MAML3: variants seen among roughly 807,000 people sequenced by gnomAD.
MAML3 encodes mastermind like transcriptional coactivator 3.
Under a neutral mutation model 101.9 loss-of-function variants are expected in MAML3, and 27 were observed. The observed-to-expected ratio is 0.27, with a 90% CI of 0.20 to 0.37. The LOEUF is 0.37. MAML3 is among the 10% of genes least tolerant of loss of function. MAML3 has a pLI of 1.00. For synonymous variants in MAML3, 501 were observed against 555.9 expected (o/e 0.90, Z 1.39); for missense variants, 1,316 against 1,444.9 (o/e 0.91, Z 1.45).
intron 2 of MAML3, among the ~76,000 whole-genome samples, chr4:139,813,771 G>C (rs531934600): frequency 6.6e-6 from 1 of 152,098 alleles, no homozygotes; most frequent in South Asian, 2.1e-4. Flanking sequence ...TCCAGACAGG[G>C]GCCAAAGGAT....
Position 139,889,113 on chromosome 4 carries a change from G to C in MAML3, c.2079+244C>G, listed in dbSNP as rs1210412512. On this transcript the variant is annotated intron_variant, in intron 2 of 4. Transcript: ENST00000509479. ...TTTATGTAATTCTTATCTGCAGTTG[G>C]GAATAAAAGAAGTTTGATTCCTAGA... 2.1e-5 allele frequency: 16 copies of C among 752,784 alleles called. No individual in the cohort carries two copies. The Admixed American group carries it at 2.9e-4, about 14-fold the overall frequency. The allele number at this position is 752,784 out of a possible 1,614,324, so 46.6% of individuals were successfully genotyped here.
intron 2 of MAML3, among the ~76,000 whole-genome samples, chr4:139,869,384 T>C (rs1386790077): frequency 1.3e-5 from 2 of 152,156 alleles, no homozygotes; most frequent in Non-Finnish European, 2.9e-5. Context: ...AATTTTTGTT[T>C]TTAATATGCA....
At chr4:139,789,763 A>C (rs1730369494) in intron 2 of MAML3, among the ~76,000 whole-genome samples, 1 of 152,170 alleles carries the variant, frequency 6.6e-6, no homozygotes, top group Non-Finnish European at 1.5e-5. Flanking sequence ...TTAATTCAAA[A>C]GTTGTTTTTT....
At chr4:140,083,944 A>ACGCGCG in intron 1 of MAML3, among the ~76,000 whole-genome samples, 1 of 22,338 alleles carries the variant, frequency 4.5e-5, no homozygotes, top group African/African-American at 1.4e-4. Flanking sequence ...ACACACACAC[A>ACGCGCG]CACACACACA....
intron 2 of MAML3, among the ~76,000 whole-genome samples, chr4:139,737,579 G>A (rs1202201007): frequency 1.3e-5 from 2 of 152,138 alleles, no homozygotes; most frequent in South Asian, 2.1e-4. Context: ...ATGTTGTCTG[G>A]TACCCAAAAT....
chr4:140,011,232 G>GCATATATATATATATA (rs1726554259), intron 1 of MAML3, among the ~76,000 whole-genome samples: 1 of 28,484 alleles, frequency 3.5e-5, no homozygotes, highest in Non-Finnish European at 2.2e-4. Flanking sequence ...TATAAAGTGT[G>GCATATATATATATATA]CATATATATA....
At chr4:139,832,233 T>C (rs768026797) in intron 2 of MAML3, among the ~76,000 whole-genome samples, 8 of 150,716 alleles carry the variant, frequency 5.3e-5, no homozygotes, top group Non-Finnish European at 1.0e-4. Flanking sequence ...ACCTGCCAAG[T>C]AGCTAAGATT....
chr4:140,054,378 A>T (rs1275600272), intron 1 of MAML3, among the ~76,000 whole-genome samples: 1 of 151,888 alleles, frequency 6.6e-6, no homozygotes, highest in Non-Finnish European at 1.5e-5. Context: ...CAAAAAAAAA[A>T]AAAAAAGAAA....
intron 1 of MAML3, among the ~76,000 whole-genome samples, chr4:139,906,133 T>TG (rs752027415): frequency 7.8e-4 from 118 of 152,240 alleles, no homozygotes; most frequent in Non-Finnish European, 1.4e-3. Flanking sequence ...TATTTTGAGA[T>TG]GGGGGGCGGG....
intron 1 of MAML3, among the ~76,000 whole-genome samples, chr4:140,113,440 AG>A (rs1395537449): frequency 6.6e-6 from 1 of 152,230 alleles, no homozygotes; most frequent in East Asian, 1.9e-4. Context: ...TCCTCTGCCC[AG>A]AAGTAGTTCC....
At chr4:139,909,872 A>T (rs1732886819) in intron 1 of MAML3, among the ~76,000 whole-genome samples, 2 of 148,538 alleles carry the variant, frequency 1.3e-5, no homozygotes, top group African/African-American at 4.9e-5. Context: ...AAGGCCGTAG[A>T]AATGAGGCAT....
chr4:140,084,891 C>T (rs1445470551), intron 1 of MAML3, among the ~76,000 whole-genome samples: 1 of 151,796 alleles, frequency 6.6e-6, no homozygotes, highest in Non-Finnish European at 1.5e-5. Context: ...CCTTTTTTTC[C>T]CCTACAATGC....
At position 139,929,915 on chromosome 4, in the gene MAML3, A is replaced by G. The variant is rs569299266; in HGVS notation, c.469-38948T>C. 2.0e-4 allele frequency among the ~76,000 whole-genome samples: 30 copies of G among 152,296 alleles called. 1 individual carries two copies. In the South Asian group the frequency reaches 5.8e-3, roughly 29 times the overall value. The stretch of plus-strand genomic sequence containing the variant: ...GTTTGGAACTGCAGACCCGTCAGCT[A>G]TAAGGAAGTCTGGTGTGAATGCCCA... On this transcript the variant is annotated intron_variant, in intron 1 of 4. Coordinates refer to ENST00000509479, the MANE Select transcript of MAML3 (RefSeq NM_018717.5).
At chr4:139,749,946 T>G (rs145095466) in intron 2 of MAML3, among the ~76,000 whole-genome samples, 17 of 142,772 alleles carry the variant, frequency 1.2e-4, no homozygotes, top group African/African-American at 2.6e-4. Flanking sequence ...AACTTAAGAA[T>G]AAGAAAAGAG....
At chr4:140,017,851 T>C (rs1726667671) in intron 1 of MAML3, among the ~76,000 whole-genome samples, 1 of 152,004 alleles carries the variant, frequency 6.6e-6, no homozygotes, top group African/African-American at 2.4e-5. Flanking sequence ...GTTCTGTATC[T>C]TGATTGTATC....
At chr4:139,822,071 A>G (rs1451576941) in intron 2 of MAML3, among the ~76,000 whole-genome samples, 1 of 152,078 alleles carries the variant, frequency 6.6e-6, no homozygotes. Flanking sequence ...AATCATCATC[A>G]CCATCATCAT....
At chr4:139,940,250 T>G (rs1733577905) in intron 1 of MAML3, among the ~76,000 whole-genome samples, 2 of 152,216 alleles carry the variant, frequency 1.3e-5, no homozygotes, top group Admixed American at 6.5e-5. Context: ...GTTGCTTCAG[T>G]TAACTCACTA....
chr4:140,110,628 T>C (rs1198936156), intron 1 of MAML3, among the ~76,000 whole-genome samples: 1 of 151,950 alleles, frequency 6.6e-6, no homozygotes, highest in Non-Finnish European at 1.5e-5. Flanking sequence ...CAGGAAAGAG[T>C]AATTAAATTT....
intron 1 of MAML3, among the ~76,000 whole-genome samples, chr4:140,133,313 G>A (rs1197205691): frequency 2.0e-5 from 3 of 152,182 alleles, no homozygotes; most frequent in Non-Finnish European, 4.4e-5. Flanking sequence ...ATCAATTACA[G>A]GGTTATGAAC....
Sources: gnomAD v4.1 joint callset for allele counts (sites outside exome capture counted in the v4.1 genomes callset) on GRCh38, gnomAD v4.1.1 for gene constraint, MANE v1.5 for transcripts, NCBI Gene and HGNC (gene_info 2026-07-23, HGNC 2026-07-21) for gene names.